Variants in BRD10 observed in about 807,000 individuals in gnomAD.
The protein encoded by BRD10 is uncharacterized bromodomain-containing protein 10.
the BRD10 span, among the ~76,000 whole-genome samples, chr9:5,936,287 G>A: frequency 6.6e-6 from 1 of 152,080 alleles, no homozygotes; most frequent in Non-Finnish European, 1.5e-5. Flanking sequence ...GCCTGGAGGT[G>A]GAGTTTGCAG....
At chr9:5,891,940 C>T in the BRD10 span, among the ~76,000 whole-genome samples, 8 of 152,136 alleles carry the variant, frequency 5.3e-5, no homozygotes, top group African/African-American at 1.7e-4. Context: ...TGCACCCTCG[C>T]GAGGCACAGG....
At chr9:5,897,738 T>C in the BRD10 span, 10 of 1,159,866 alleles carry the variant, frequency 8.6e-6, no homozygotes, top group Non-Finnish European at 1.3e-5. Context: ...GAGAGTCAGA[T>C]AATTGCCTCA....
the BRD10 span, chr9:5,919,601 C>T: frequency 1.0e-6 from 1 of 957,886 alleles, no homozygotes; most frequent in African/African-American, 1.9e-5. Context: ...AGTATGCTTT[C>T]AACAGTATAA....
the BRD10 span, among the ~76,000 whole-genome samples, chr9:6,003,374 G>C: frequency 1.3e-5 from 2 of 151,986 alleles, no homozygotes; most frequent in Non-Finnish European, 2.9e-5. Flanking sequence ...AATATTTGAC[G>C]TTCTCTAAAG....
At chr9:5,983,657 C>T in the BRD10 span, among the ~76,000 whole-genome samples, 1,542 of 152,068 alleles carry the variant, frequency 0.01, 12 homozygotes, top group Middle Eastern at 0.02. Flanking sequence ...TATGAGCAGC[C>T]TTGAAAAGAG....
chr9:5,923,989 T>C, the BRD10 span, among the ~76,000 whole-genome samples: 1 of 152,204 alleles, frequency 6.6e-6, no homozygotes, highest in Non-Finnish European at 1.5e-5. Flanking sequence ...GGTAATCTAA[T>C]CCAGCCCTTT....
At chr9:5,969,107 T>C in the BRD10 span, 1 of 1,613,864 alleles carries the variant, frequency 6.2e-7, no homozygotes, top group Non-Finnish European at 8.5e-7. Context: ...TTGTACTTTC[T>C]GCCTCAGCGC....
chr9:5,898,908 C>T, the BRD10 span: 1 of 152,140 alleles, frequency 6.6e-6, no homozygotes, highest in African/African-American at 2.4e-5. Context: ...TCTTAGATGG[C>T]CAAAGGTTTT....
chr9:5,931,007 C>A, the BRD10 span, among the ~76,000 whole-genome samples: 1 of 152,192 alleles, frequency 6.6e-6, no homozygotes, highest in African/African-American at 2.4e-5. Flanking sequence ...GGAAGTAAAT[C>A]TTTCCTAAGT....
chr9:5,921,210 T>C, the BRD10 span: 24 of 1,613,838 alleles, frequency 1.5e-5, 1 homozygote, highest in South Asian at 2.2e-4. Context: ...AATATGTTAA[T>C]TGATGGTATA....
At chr9:5,950,948 T>A in the BRD10 span, among the ~76,000 whole-genome samples, 5 of 151,960 alleles carry the variant, frequency 3.3e-5, no homozygotes, top group African/African-American at 1.2e-4. Context: ...AATCAGTACA[T>A]GTTTAGTACG....
chr9:6,008,375 G>A, the BRD10 span: 4 of 929,898 alleles, frequency 4.3e-6, no homozygotes, highest in African/African-American at 3.6e-5. Flanking sequence ...GGGGGAGAAA[G>A]GGGAGGGGCA....
At chr9:5,944,809 A>G in the BRD10 span, 1 of 730,826 alleles carries the variant, frequency 1.4e-6, no homozygotes, top group Non-Finnish European at 2.2e-6. Flanking sequence ...AGGCTTTAGG[A>G]AAAAGCAGGA....
chr9:5,967,471 CTTA>C, the BRD10 span, among the ~76,000 whole-genome samples: 175 of 151,984 alleles, frequency 1.2e-3, 2 homozygotes, highest in African/African-American at 4.1e-3. Flanking sequence ...TGCTTCATGT[CTTA>C]TTAATTGATG....
chr9:5,921,508 C>T, the BRD10 span: 1 of 1,613,872 alleles, frequency 6.2e-7, no homozygotes, highest in African/African-American at 1.3e-5. Flanking sequence ...CTGTAGATGT[C>T]AGCGCAGGTG....
chr9:5,954,980 T>C, the BRD10 span, among the ~76,000 whole-genome samples: 9 of 151,936 alleles, frequency 5.9e-5, no homozygotes, highest in Non-Finnish European at 1.2e-4. Flanking sequence ...CTCAGCTACC[T>C]GGGAGCCTGA....
chr9:5,919,543 A>ACACACACACACACAC, the BRD10 span: 1 of 368,788 alleles, frequency 2.7e-6, no homozygotes, highest in East Asian at 4.7e-5. Context: ...GATACATTAA[A>ACACACACACACACAC]ACACACACAC....
At chr9:5,907,314 T>C in the BRD10 span, 1 of 172,680 alleles carries the variant, frequency 5.8e-6, no homozygotes, top group African/African-American at 2.4e-5. Flanking sequence ...ACAATATTCT[T>C]TTATGTTTTT....
the BRD10 span, chr9:5,892,519 G>A: frequency 6.2e-7 from 1 of 1,613,784 alleles, no homozygotes; most frequent in South Asian, 1.1e-5. Context: ...ACCCCAAGAA[G>A]GGGCACGGCC....
Sources: allele counts gnomAD v4.1 joint callset (sites outside exome capture counted in the v4.1 genomes callset), GRCh38; gene constraint gnomAD v4.1.1; transcripts MANE v1.5; gene names NCBI Gene and HGNC (gene_info 2026-07-23, HGNC 2026-07-21).